Variants in ADAMTS2 observed in about 807,000 individuals in gnomAD.
The protein encoded by ADAMTS2 is A disintegrin and metalloproteinase with thrombospondin motifs 2.
In ADAMTS2, 50 loss-of-function variants were observed where a neutral mutation model predicts 123.0. That is an observed-to-expected ratio of 0.41 (90% CI 0.32 to 0.51). The LOEUF is 0.51. ADAMTS2 is among the 20% of genes least tolerant of loss of function. ADAMTS2 has a pLI of 0.35. For missense variants in ADAMTS2, 1,494 were observed against 1,705.2 expected, an observed-to-expected ratio of 0.88 and a Z score of 2.18; for synonymous variants, 678 against 695.4, an observed-to-expected ratio of 0.98 and a Z score of 0.39.
At chr5:179,288,547 G>A (rs190154181) in intron 2 of ADAMTS2, among the ~76,000 whole-genome samples, 4 of 152,326 alleles carry the variant, frequency 2.6e-5, no homozygotes, top group Non-Finnish European at 5.9e-5. Context: ...GGGGAGGGGC[G>A]GGGGCAGGGC....
In ADAMTS2 at chr5:179,202,187, G is replaced by C. The variant is rs1056957019; in HGVS notation, c.891+5326C>G. Among the ~76,000 whole-genome samples, 1 of 151,918 alleles carries C rather than the reference G, an allele frequency of 6.6e-6. No individual in the cohort carries two copies. The highest frequency in any genetic ancestry group is 1.5e-5 in the Non-Finnish European group (1 of 67,882). On this transcript the variant is annotated intron_variant, in intron 4 of 21. Coordinates refer to ENST00000251582, the MANE Select transcript of ADAMTS2 (RefSeq NM_014244.5). The surrounding 1 kb of genome is among the most constrained non-coding windows in gnomAD (Gnocchi z 4.0). ...GAAGACTGCGGCGGCCGGCCTTGCCGGCCCCGACTTCCCCTACCTGTGCCC... is the reference window on the plus strand; with the variant it reads ...GAAGACTGCGGCGGCCGGCCTTGCCCGCCCCGACTTCCCCTACCTGTGCCC...
chr5:179,132,688 G>T lies in ADAMTS2; in HGVS notation c.2209+89C>A. 1 of 1,537,942 alleles carries T rather than the reference G, an allele frequency of 6.5e-7. No individual in the cohort carries two copies. The highest frequency in any genetic ancestry group is 8.9e-7 in the Non-Finnish European group (1 of 1,124,346). ...CCCAGAACAGTCATAAGCCCGGACA[G>T]CCCCAGGATGAGTCAGGCCCTCAGC... On this transcript the variant is annotated intron_variant, in intron 14 of 21. Transcript: ENST00000251582. The surrounding 1 kb of genome is among the most constrained non-coding windows in gnomAD (Gnocchi z 6.1).
intron 5 of ADAMTS2, among the ~76,000 whole-genome samples, chr5:179,164,944 A>T (rs1763669321): frequency 6.6e-6 from 1 of 152,162 alleles, no homozygotes; most frequent in African/African-American, 2.4e-5. Context: ...AAAGAAACTG[A>T]TGTCCAGGCA....
Position 179,112,858 on chromosome 5 carries a change from T to TC in ADAMTS2, c.*1008dup, listed in dbSNP as rs1022679376. ...GGCCAGGGAAGAATGCAGGAGCTCT[T>TC]CCCCCAGAGCCTGGAAGGCAGCCGG... On this transcript the variant is annotated 3_prime_UTR_variant, in exon 22 of 22. Transcript: ENST00000251582. 8 of 152,166 alleles carry TC rather than the reference T, an allele frequency of 5.3e-5. No homozygotes were observed. The highest frequency in any genetic ancestry group is 1.9e-4 in the African/African-American group (8 of 41,490). 9.4% of individuals were successfully genotyped at this position (152,166 alleles called of 1,614,324 possible). A position where few individuals can be genotyped will look rare whatever the true frequency, so the allele number is the denominator to read the frequency against.
intron 3 of ADAMTS2, among the ~76,000 whole-genome samples, chr5:179,246,694 C>A (rs1765807729): frequency 6.6e-6 from 1 of 152,120 alleles, no homozygotes; most frequent in Non-Finnish European, 1.5e-5. Flanking sequence ...GGCTAAGCAT[C>A]AAAGGTGTGC....
chr5:179,132,097 G>A lies in ADAMTS2; in HGVS notation c.2290+133C>T. ...GGTGGGCTGAGCAGAGGGACAGGTT[G>A]GGGAGGGGCTGCCCTGGCTCAGGTC... On this transcript the variant is annotated intron_variant, in intron 15 of 21. Transcript: ENST00000251582. This position sits in a 1 kb window ranked among gnomAD's most constrained non-coding sequence, Gnocchi z 6.1. 2.4e-6 allele frequency: 2 copies of A among 844,464 alleles called. No individual in the cohort carries two copies. Among genetic ancestry groups the A allele is most frequent in the South Asian group, 2.9e-5 (2 of 69,212 alleles). The allele number at this position is 844,464 out of a possible 1,614,324, so 52.3% of individuals were successfully genotyped here. A position where few individuals can be genotyped will look rare whatever the true frequency, so the allele number is the denominator to read the frequency against.
chr5:179,238,386 C>T (rs762356253), intron 3 of ADAMTS2, among the ~76,000 whole-genome samples: 50 of 152,152 alleles, frequency 3.3e-4, no homozygotes, highest in Non-Finnish European at 5.7e-4. Context: ...GGAGCGGCCA[C>T]GCTAGCAGAA....
intron 3 of ADAMTS2, among the ~76,000 whole-genome samples, chr5:179,216,614 G>C (rs946292961): frequency 2.0e-5 from 3 of 152,226 alleles, no homozygotes; most frequent in African/African-American, 7.2e-5. Context: ...GAGGGGCCTT[G>C]TCAGTTCCCG....
At chr5:179,274,710 AG>A (rs1375835772) in intron 2 of ADAMTS2, among the ~76,000 whole-genome samples, 4 of 152,170 alleles carry the variant, frequency 2.6e-5, no homozygotes. Flanking sequence ...AGTGCCCCCC[AG>A]GGCCTGCTGG....
At chr5:179,233,050 C>T (rs1561610282) in intron 3 of ADAMTS2, among the ~76,000 whole-genome samples, 1 of 152,192 alleles carries the variant, frequency 6.6e-6, no homozygotes, top group Non-Finnish European at 1.5e-5. Context: ...AAAAGGTTTG[C>T]CGTAGTTAAA....
At chr5:179,296,341 G>A (rs1319222425) in intron 2 of ADAMTS2, among the ~76,000 whole-genome samples, 1 of 152,178 alleles carries the variant, frequency 6.6e-6, no homozygotes. Context: ...CTCGGAGGAG[G>A]GGGAGGTGGG....
intron 2 of ADAMTS2, among the ~76,000 whole-genome samples, chr5:179,304,755 G>T (rs949184958): frequency 7.9e-5 from 12 of 152,168 alleles, no homozygotes; most frequent in Admixed American, 4.6e-4. Flanking sequence ...AGAAGGAGAA[G>T]AGAAAGAATG....
At chr5:179,173,728 T>G (rs1332492563) in intron 5 of ADAMTS2, among the ~76,000 whole-genome samples, 1 of 152,128 alleles carries the variant, frequency 6.6e-6, no homozygotes, top group Non-Finnish European at 1.5e-5. Flanking sequence ...CAAGAACATT[T>G]TAAAGGCCAA....
In ADAMTS2 at chr5:179,112,147, A is replaced by G. The variant is rs1266880156; in HGVS notation, c.*1720T>C. 1 of 152,250 alleles carries G rather than the reference A, an allele frequency of 6.6e-6. No individual in the cohort carries two copies. The highest frequency in any genetic ancestry group is 1.5e-5 in the Non-Finnish European group (1 of 68,050). 9.4% of individuals were successfully genotyped at this position (152,250 alleles called of 1,614,324 possible). A position where few individuals can be genotyped will look rare whatever the true frequency, so the allele number is the denominator to read the frequency against. ...AGACAAACATACTTATTAGCACCTC[A>G]AAACTCAGTAGAAGGTAGCCACTAT... On this transcript the variant is annotated 3_prime_UTR_variant, in exon 22 of 22. Coordinates refer to ENST00000251582, the MANE Select transcript of ADAMTS2 (RefSeq NM_014244.5).
At chr5:179,223,711 C>T (rs1296806841) in intron 3 of ADAMTS2, among the ~76,000 whole-genome samples, 2 of 152,222 alleles carry the variant, frequency 1.3e-5, no homozygotes, top group African/African-American at 4.8e-5. Context: ...TACATGCACA[C>T]AAACGCACAT....
intron 2 of ADAMTS2, among the ~76,000 whole-genome samples, chr5:179,305,039 A>C (rs557537237): frequency 6.7e-6 from 1 of 149,518 alleles, no homozygotes; most frequent in East Asian, 2.0e-4. Context: ...GAAGTGCAAA[A>C]CATTGTTAAA....
At chr5:179,296,921 C>T (rs932284003) in intron 2 of ADAMTS2, among the ~76,000 whole-genome samples, 6 of 152,194 alleles carry the variant, frequency 3.9e-5, no homozygotes, top group African/African-American at 1.4e-4. Flanking sequence ...GTCTGTAACA[C>T]ATGCCTGAAA....
intron 4 of ADAMTS2, among the ~76,000 whole-genome samples, chr5:179,182,370 T>C (rs886724081): frequency 1.3e-5 from 2 of 152,118 alleles, no homozygotes; most frequent in African/African-American, 4.8e-5. Context: ...CAAGACATAC[T>C]TCCCGGAGCC....
intron 19 of ADAMTS2, 122 bp downstream of exon 19, chr5:179,124,851 T>C: frequency 1.4e-5 from 22 of 1,597,650 alleles, no homozygotes; most frequent in South Asian, 1.0e-4. Context: ...ATTGCAGTGC[T>C]TGGCATGCAC....
Sources: allele counts gnomAD v4.1 joint callset (sites outside exome capture counted in the v4.1 genomes callset), GRCh38; gene constraint gnomAD v4.1.1; non-coding constraint Gnocchi (gnomAD v3.1); transcripts MANE v1.5; gene names NCBI Gene and HGNC (gene_info 2026-07-23, HGNC 2026-07-21).